The following GDAP1 variants were observed in gnomAD, a reference collection of about 807,000 sequenced individuals.
The protein encoded by GDAP1 is ganglioside induced differentiation associated protein 1, also known as ganglioside-induced differentiation-associated protein 1.
In GDAP1, 34 loss-of-function variants were observed where a neutral mutation model predicts 40.1. That is an observed-to-expected ratio of 0.85 (90% CI 0.64 to 1.13). GDAP1 has a LOEUF of 1.13. Ranked by LOEUF, GDAP1 falls within the 50% of genes most tolerant of loss-of-function variation. The pLI is 0.00. For missense variants in GDAP1, 374 were observed against 433.7 expected, an observed-to-expected ratio of 0.86 and a Z score of 1.22; for synonymous variants, 170 against 157.4, an observed-to-expected ratio of 1.08 and a Z score of -0.60.
chr8:74,386,448 C>A (rs1410367778), intron 2 of GDAP1, among the ~76,000 whole-genome samples: 2 of 152,138 alleles, frequency 1.3e-5, no homozygotes, highest in Non-Finnish European at 2.9e-5. Flanking sequence ...AATAGGGAAT[C>A]CTTTCCTCAT....
At chr8:74,402,913 T>A (rs1393906785) in intron 2 of GDAP1, among the ~76,000 whole-genome samples, 1 of 150,094 alleles carries the variant, frequency 6.7e-6, no homozygotes, top group Non-Finnish European at 1.5e-5. Flanking sequence ...TTGTTGTTGT[T>A]GTTGAGTTGT....
chr8:74,415,384 C>A (rs981469909), intron 2 of GDAP1, among the ~76,000 whole-genome samples: 2 of 150,030 alleles, frequency 1.3e-5, no homozygotes, highest in Non-Finnish European at 2.9e-5. Context: ...ATGCCTCCCC[C>A]ACTTGGAAAG....
At position 74,365,710 on chromosome 8, in the gene GDAP1, A is replaced by G. The variant is rs1426676557; in HGVS notation, c.*1343A>G. 1 of 454,436 alleles carries G rather than the reference A, an allele frequency of 2.2e-6. No homozygotes were observed. The highest frequency in any genetic ancestry group is 2.0e-5 in the African/African-American group (1 of 50,000). 28.2% of individuals were successfully genotyped at this position (454,436 alleles called of 1,614,324 possible). On this transcript the variant is annotated 3_prime_UTR_variant, in exon 6 of 6. Coordinates refer to ENST00000220822, the MANE Select transcript of GDAP1 (RefSeq NM_018972.4). ...TTTTTGATGGCAAAATGATTTTTTA[A>G]TTCTATTTTGATGCTGTAATTCCAT...
At chr8:74,435,881 A>G (rs900930567) in intron 2 of GDAP1, among the ~76,000 whole-genome samples, 10 of 152,182 alleles carry the variant, frequency 6.6e-5, no homozygotes, top group Non-Finnish European at 2.9e-5. Context: ...GGGTTATGAG[A>G]CCAATGGGAG....
chr8:74,421,353 GT>G (rs1805855700), intron 2 of GDAP1, among the ~76,000 whole-genome samples: 1 of 151,384 alleles, frequency 6.6e-6, no homozygotes, highest in Non-Finnish European at 1.5e-5. Context: ...TTTATTACAT[GT>G]GCTTTTTTTC....
intron 2 of GDAP1, among the ~76,000 whole-genome samples, chr8:74,485,863 TGTG>T (rs1187535669): frequency 6.6e-6 from 1 of 152,108 alleles, no homozygotes; most frequent in Non-Finnish European, 1.5e-5. Flanking sequence ...TAGGAACTGT[TGTG>T]GTGTCCAGAG....
At chr8:74,481,284 C>T (rs2128721609) in intron 2 of GDAP1, among the ~76,000 whole-genome samples, 1 of 152,320 alleles carries the variant, frequency 6.6e-6, no homozygotes, top group Non-Finnish European at 1.5e-5. Flanking sequence ...TGCCTTCAGC[C>T]AGGGCAGGGC....
chr8:74,352,456 C>A (rs1040099010), intron 2 of GDAP1, among the ~76,000 whole-genome samples: 1 of 152,106 alleles, frequency 6.6e-6, no homozygotes, highest in Non-Finnish European at 1.5e-5. Context: ...CTACAGGAAG[C>A]TGACAAAGGA....
At chr8:74,442,025 A>T (rs145515812) in intron 2 of GDAP1, among the ~76,000 whole-genome samples, 1 of 152,206 alleles carries the variant, frequency 6.6e-6, no homozygotes, top group Admixed American at 6.5e-5. Context: ...AATTTTCTTC[A>T]TGCTCGTGGC....
intron 2 of GDAP1, among the ~76,000 whole-genome samples, chr8:74,372,177 A>G (rs1460986061): frequency 6.6e-6 from 1 of 152,212 alleles, no homozygotes; most frequent in Non-Finnish European, 1.5e-5. Flanking sequence ...ATTGATGGAC[A>G]TTTGGGTTGG....
chr8:74,397,546 A>G (rs997462791), intron 2 of GDAP1, among the ~76,000 whole-genome samples: 6 of 152,156 alleles, frequency 3.9e-5, no homozygotes, highest in African/African-American at 1.4e-4. Context: ...AGGTGAAGGA[A>G]GGGATCCAGT....
chr8:74,390,099 C>G (rs1810084319), intron 2 of GDAP1, among the ~76,000 whole-genome samples: 1 of 152,028 alleles, frequency 6.6e-6, no homozygotes, highest in Non-Finnish European at 1.5e-5. Context: ...TTTGAAGGTT[C>G]TTAGCCTCCT....
At chr8:74,408,056 T>A (rs1430610695) in intron 2 of GDAP1, among the ~76,000 whole-genome samples, 1 of 150,180 alleles carries the variant, frequency 6.7e-6, no homozygotes, top group Non-Finnish European at 1.5e-5. Flanking sequence ...ACATTTTCAC[T>A]CAAGACACAT....
chr8:74,397,850 G>T (rs1356084007), intron 2 of GDAP1, among the ~76,000 whole-genome samples: 1 of 151,308 alleles, frequency 6.6e-6, no homozygotes, highest in Non-Finnish European at 1.5e-5. Flanking sequence ...CTCTTTTTTG[G>T]TTCCATATGA....
intron 2 of GDAP1, among the ~76,000 whole-genome samples, chr8:74,374,322 A>G (rs1295750610): frequency 1.3e-5 from 2 of 152,180 alleles, no homozygotes; most frequent in African/African-American, 4.8e-5. Context: ...GAATAGTTTC[A>G]GAAGGAATGG....
intron 2 of GDAP1, among the ~76,000 whole-genome samples, chr8:74,386,755 A>C (rs1810031283): frequency 6.6e-6 from 1 of 152,220 alleles, no homozygotes; most frequent in South Asian, 2.1e-4. Context: ...AATAGCATTG[A>C]ATCTATAAAC....
intron 2 of GDAP1, among the ~76,000 whole-genome samples, chr8:74,387,513 G>C (rs1810042786): frequency 6.6e-6 from 1 of 152,206 alleles, no homozygotes; most frequent in Admixed American, 6.5e-5. Flanking sequence ...AATCAGCCTT[G>C]CATCCCAGGG....
chr8:74,413,188 G>C (rs1360656376), intron 2 of GDAP1, among the ~76,000 whole-genome samples: 2 of 148,718 alleles, frequency 1.3e-5, no homozygotes, highest in Non-Finnish European at 2.9e-5. Flanking sequence ...ATAAGATGAA[G>C]TAAGCATGCT....
At chr8:74,433,984 A>G (rs548571908) in intron 2 of GDAP1, among the ~76,000 whole-genome samples, 10 of 152,222 alleles carry the variant, frequency 6.6e-5, no homozygotes, top group Non-Finnish European at 1.2e-4. Flanking sequence ...GCATTTGGAA[A>G]CTTCCCAGAT....
Sources: allele counts gnomAD v4.1 joint callset (sites outside exome capture counted in the v4.1 genomes callset), GRCh38; gene constraint gnomAD v4.1.1; transcripts MANE v1.5; gene names NCBI Gene and HGNC (gene_info 2026-07-23, HGNC 2026-07-21).